The following ADA variants were observed in gnomAD, a reference collection of about 807,000 sequenced individuals.
ADA encodes the protein adenosine deaminase, also known as adenosine aminohydrolase.
Under a neutral mutation model 49.0 loss-of-function variants are expected in ADA, and 45 were observed. The ratio of observed to expected loss-of-function variants is 0.92; its 90% CI spans 0.72 to 1.18. The LOEUF (loss-of-function observed/expected upper bound fraction) is 1.18, where lower values mean the gene tolerates loss of function less well. Among genes scored for constraint, ADA ranks in the 50% most tolerant of loss-of-function variants. ADA has a pLI of 0.00. For missense variants in ADA, 445 were observed against 472.5 expected (o/e 0.94, Z 0.54); for synonymous variants, 173 against 184.2 (o/e 0.94, Z 0.49).
At position 44,651,694 on chromosome 20, in the gene ADA, G is replaced by T. The variant is rs1395392940; in HGVS notation, c.-87C>A. The T allele has an allele frequency of 7.3e-7, 1 of 1,367,642 alleles. No homozygotes were observed. The highest frequency in any genetic ancestry group is 9.4e-7 in the Non-Finnish European group (1 of 1,067,116). 84.7% of individuals were successfully genotyped at this position (1,367,642 alleles called of 1,614,324 possible). On this transcript the variant is annotated 5_prime_UTR_variant, in exon 1 of 12. Coordinates refer to ENST00000372874, the MANE Select transcript of ADA (RefSeq NM_000022.4). ...CGGTGGCCGCTCGGCTTTCCCTGGG[G>T]CCAGCGGTGGCCGCGGCCGGCCACG...
At chr20:44,629,231 CCAGGATGGAGCAGACT>C (rs1039195298) in intron 2 of ADA, 62 bp from the exon 3 acceptor site, 1 of 1,610,966 alleles carries the variant, frequency 6.2e-7, no homozygotes, top group Non-Finnish European at 8.5e-7. Context: ...GCCTGACAGG[CCAGGATGGAGCAGACT>C]CAGGAGCGCC....
In ADA at chr20:44,646,273, CAAAAGGCTTCGATG is replaced by C. The variant is rs371590263; in HGVS notation, c.33+5288_33+5301del. On this transcript the variant is annotated intron_variant, in intron 1 of 11. Coordinates refer to ENST00000372874, the MANE Select transcript of ADA (RefSeq NM_000022.4). Reference sequence around the variant, plus strand: ...CTGATCCTCCCTTCCTCCTCCGAAGCAAAAGGCTTCGATGAAACTCAGTCTCCTTTGTTCCCCTC... The same window carrying C: ...CTGATCCTCCCTTCCTCCTCCGAAGCAAACTCAGTCTCCTTTGTTCCCCTC... Among the ~76,000 whole-genome samples, 680 of 152,320 alleles carry C rather than the reference CAAAAGGCTTCGATG, an allele frequency of 4.5e-3. 6 individuals are homozygous for C. Among genetic ancestry groups the C allele is most frequent in the African/African-American group, 0.015 (642 of 41,562 alleles).
At chr20:44,619,950 G>T in intron 11 of ADA, 103 bp from the exon 12 acceptor site, 1 of 1,473,990 alleles carries the variant, frequency 6.8e-7, no homozygotes, top group East Asian at 2.3e-5. Context: ...TCCTTCCTAT[G>T]ATGGCAAGAA....
At chr20:44,620,649 T>G in intron 10 of ADA, 1 of 592,050 alleles carries the variant, frequency 1.7e-6, no homozygotes, top group Non-Finnish European at 3.0e-6. Flanking sequence ...CAGGGTGGCA[T>G]GTAGGGGGCC....
Position 44,624,352 on chromosome 20 carries a change from G to A in ADA, c.479-23C>T, listed in dbSNP as rs758919313. 21 of 1,612,160 alleles carry A rather than the reference G, an allele frequency of 1.3e-5. No homozygotes were observed. The Admixed American group carries it at 1.7e-4, about 13-fold the overall frequency. ...AGTCTGTGGGCGAGATGCCCACCCA[G>A]GCTCTGTCACCAGCACCATGGAGAG... On this transcript the variant is annotated intron_variant, in intron 5 of 11. Coordinates refer to ENST00000372874, the MANE Select transcript of ADA (RefSeq NM_000022.4).
chr20:44,632,650 C>G (rs771173103), intron 2 of ADA, among the ~76,000 whole-genome samples: 2 of 152,176 alleles, frequency 1.3e-5, no homozygotes, highest in Non-Finnish European at 2.9e-5. Flanking sequence ...CCTGGCCACC[C>G]ACACAAGCGA....
intron 1 of ADA, among the ~76,000 whole-genome samples, chr20:44,642,840 C>A (rs1214990566): frequency 2.0e-5 from 3 of 152,188 alleles, no homozygotes; most frequent in Admixed American, 6.5e-5. Flanking sequence ...GGGGCAGAAG[C>A]CAGACAGTGC....
At chr20:44,651,551 C>T (rs1394070509) in intron 1 of ADA, 24 bp downstream of exon 1, 2 of 1,531,010 alleles carry the variant, frequency 1.3e-6, no homozygotes, top group Non-Finnish European at 1.7e-6. Flanking sequence ...GACCCCCGTC[C>T]CCGGAGCCCC....
intron 1 of ADA, among the ~76,000 whole-genome samples, chr20:44,646,340 T>G (rs1385274057): frequency 1.3e-5 from 2 of 152,178 alleles, no homozygotes; most frequent in African/African-American, 4.8e-5. Context: ...TGAGTCAAAA[T>G]GGGTAAGGCA....
chr20:44,645,557 G>A lies in ADA; in HGVS notation c.33+6018C>T, dbSNP rs188218383. On this transcript the variant is annotated intron_variant, in intron 1 of 11. Transcript: ENST00000372874. ...GAATCACTTGAACCCGGGAGGCAGA[G>A]GTTGTAGTGAGCCGAGATTGCACCA... 7.9e-5 allele frequency among the ~76,000 whole-genome samples: 12 copies of A among 152,216 alleles called. No homozygotes were observed. The East Asian group carries it at 2.1e-3, about 27-fold the overall frequency.
At chr20:44,632,356 G>A (rs2145330996) in intron 2 of ADA, among the ~76,000 whole-genome samples, 1 of 152,256 alleles carries the variant, frequency 6.6e-6, no homozygotes, top group South Asian at 2.1e-4. Context: ...AAAGCACTGG[G>A]AAGGCACTGT....
At chr20:44,629,875 C>T (rs1360301412) in intron 2 of ADA, among the ~76,000 whole-genome samples, 1 of 152,208 alleles carries the variant, frequency 6.6e-6, no homozygotes, top group African/African-American at 2.4e-5. Context: ...TCGGCCTCCC[C>T]TCCCAGCCAC....
intron 10 of ADA, 89 bp downstream of exon 10, chr20:44,620,929 C>T (rs888534343): frequency 1.3e-6 from 2 of 1,579,380 alleles, no homozygotes; most frequent in Non-Finnish European, 1.7e-6. Context: ...CTCACTCCCT[C>T]TCTCCAAAGA....
chr20:44,621,154 A>C lies in ADA; in HGVS notation c.846-7T>G, dbSNP rs1453879636. 8.7e-6 allele frequency: 14 copies of C among 1,614,142 alleles called. No homozygotes were observed. The highest frequency in any genetic ancestry group is 9.3e-6 in the Non-Finnish European group (11 of 1,180,028). On this transcript the variant is annotated splice_region_variant and splice_polypyrimidine_tract_variant and intron_variant, in intron 9 of 11. Coordinates refer to ENST00000372874, the MANE Select transcript of ADA (RefSeq NM_000022.4). Reference sequence around the variant, plus strand: ...AGCCTGGTCATTTTTGAGCCTGCAGAAGAGGGAGGAGGAGAGAATCAGCCT... The same window carrying C: ...AGCCTGGTCATTTTTGAGCCTGCAGCAGAGGGAGGAGGAGAGAATCAGCCT...
At chr20:44,621,182 T>G in intron 9 of ADA, 35 bp from the exon 10 acceptor site, 1 of 1,613,836 alleles carries the variant, frequency 6.2e-7, no homozygotes, top group Non-Finnish European at 8.5e-7. Context: ...ATCAGCCTCC[T>G]TTTACTCTTA....
At position 44,619,659 on chromosome 20, in the gene ADA, G is replaced by A. The variant is rs1169824053; in HGVS notation, c.*175C>T. ...GGCCAGGGCACATAATCAGAGAAGT[G>A]ACGCGGCCATGCCGAGGTATACGTG... On this transcript the variant is annotated 3_prime_UTR_variant, in exon 12 of 12. Transcript: ENST00000372874. The A allele has an allele frequency of 1.3e-6, 1 of 786,850 alleles. No homozygotes were observed. Among genetic ancestry groups the A allele is most frequent in the Non-Finnish European group, 2.1e-6 (1 of 472,064 alleles). The allele number at this position is 786,850 out of a possible 1,614,324, so 48.7% of individuals were successfully genotyped here.
At chr20:44,623,897 A>G (rs1463229623) in intron 6 of ADA, 1 of 429,968 alleles carries the variant, frequency 2.3e-6, no homozygotes, top group Admixed American at 2.5e-5. Context: ...ACAGGCATGC[A>G]CCACCATGCC....
chr20:44,648,858 T>G (rs1251748096), intron 1 of ADA, among the ~76,000 whole-genome samples: 1 of 152,034 alleles, frequency 6.6e-6, no homozygotes, highest in Non-Finnish European at 1.5e-5. Context: ...AATCACAGTG[T>G]GAACATTAAA....
intron 2 of ADA, 130 bp downstream of exon 2, chr20:44,636,097 C>G: frequency 1.1e-6 from 1 of 891,180 alleles, no homozygotes; most frequent in Non-Finnish European, 1.8e-6. Context: ...CACTTCTGGC[C>G]TGGAGCTGGC....
Sources: allele counts gnomAD v4.1 joint callset (sites outside exome capture counted in the v4.1 genomes callset), GRCh38; gene constraint gnomAD v4.1.1; transcripts MANE v1.5; gene names NCBI Gene and HGNC (gene_info 2026-07-23, HGNC 2026-07-21).